The following CTNNB1 variants were observed in gnomAD, a reference collection of about 807,000 sequenced individuals.
CTNNB1 encodes catenin beta-1.
CTNNB1 carries 6 observed loss-of-function variants against 82.5 expected under a neutral mutation model. That is an observed-to-expected ratio of 0.07 (90% confidence interval 0.04 to 0.14). The LOEUF (loss-of-function observed/expected upper bound fraction) is 0.14, where lower values mean the gene tolerates loss of function less well. Among genes scored for constraint, CTNNB1 ranks in the 10% least tolerant of loss-of-function variants. The pLI is 1.00. For synonymous variants in CTNNB1, 312 were observed against 329.7 expected, an observed-to-expected ratio of 0.95 and a Z score of 0.58; for missense variants, 529 against 980.4, an observed-to-expected ratio of 0.54 and a Z score of 6.15.
chr3:41,227,749 T>C (rs886257863), intron 7 of CTNNB1, among the ~76,000 whole-genome samples: 1 of 152,210 alleles, frequency 6.6e-6, no homozygotes, highest in East Asian at 1.9e-4. Context: ...TTTTAACTTT[T>C]AGGTTCCGGG....
At chr3:41,215,294 A>G (rs1387634210) in intron 1 of CTNNB1, among the ~76,000 whole-genome samples, 2 of 146,906 alleles carry the variant, frequency 1.4e-5, no homozygotes, top group Admixed American at 6.9e-5. Context: ...TGAGGCAGAG[A>G]ATTGCTTAAA....
At chr3:41,236,975 A>G in intron 13 of CTNNB1, 1 of 583,062 alleles carries the variant, frequency 1.7e-6, no homozygotes, top group Non-Finnish European at 3.0e-6. Context: ...TTACCAGATT[A>G]AAGAAGATTT....
rs2078537789 is a variant in CTNNB1 at position 41,239,969 on chromosome 3, CTTGCT to C, written c.*631_*635del. ...AATATCTGTAATGGTACTGACTTTG[CTTGCT>C]TTGAAGTAGCTCTTTTTTTTTTTTT... On this transcript the variant is annotated 3_prime_UTR_variant, in exon 15 of 15. Coordinates refer to ENST00000349496, the MANE Select transcript of CTNNB1 (RefSeq NM_001904.4). 1 of 89,356 alleles carries C rather than the reference CTTGCT, an allele frequency of 1.1e-5. No individual in the cohort carries two copies. Among genetic ancestry groups the C allele is most frequent in the Non-Finnish European group, 2.3e-5 (1 of 43,774 alleles). 5.5% of individuals were successfully genotyped at this position (89,356 alleles called of 1,614,324 possible).
Position 41,237,231 on chromosome 3 carries a change from T to C in CTNNB1, c.2076+522T>C, listed in dbSNP as rs190170628. ...ACAGACATACAGTGGATTATGTTTGTTGAGTGAATGGAAAGAGAGATTGTT... is the reference window on the plus strand; with the variant it reads ...ACAGACATACAGTGGATTATGTTTGCTGAGTGAATGGAAAGAGAGATTGTT... On this transcript the variant is annotated intron_variant, in intron 13 of 14. Transcript: ENST00000349496. 1.1e-4 allele frequency: 18 copies of C among 165,664 alleles called. 2 individuals carry two copies. In the East Asian group the frequency reaches 2.8e-3, roughly 26 times the overall value. 10.3% of individuals were successfully genotyped at this position (165,664 alleles called of 1,614,324 possible).
At chr3:41,201,451 T>C (rs995382598) in intron 1 of CTNNB1, among the ~76,000 whole-genome samples, 1 of 152,202 alleles carries the variant, frequency 6.6e-6, no homozygotes, top group African/African-American at 2.4e-5. Flanking sequence ...CTAACCTTTG[T>C]TCTGAAGGCC....
rs1184350891 is a variant in CTNNB1, at chr3:41,239,490, AAGG to A, written c.*151_*153del. On this transcript the variant is annotated 3_prime_UTR_variant, in exon 15 of 15. Transcript: ENST00000349496. ...CCACAAAAACAGGTATATACTTTGAAAGGAGATGTCTTGGAACATTGGAATGTT... is the reference window on the plus strand; with the variant it reads ...CCACAAAAACAGGTATATACTTTGAAAGATGTCTTGGAACATTGGAATGTT... 2.9e-5 allele frequency: 20 copies of A among 696,176 alleles called. 1 individual carries two copies. The highest frequency in any genetic ancestry group is 1.6e-4 in the South Asian group (10 of 61,266). 43.1% of individuals were successfully genotyped at this position (696,176 alleles called of 1,614,324 possible).
chr3:41,239,120 C>A lies in CTNNB1; in HGVS notation c.2138-14C>A, dbSNP rs773187631. The A allele has an allele frequency of 1.9e-6, 3 of 1,611,300 alleles. No individual in the cohort carries two copies. The highest frequency in any genetic ancestry group is 1.3e-5 in the African/African-American group (1 of 74,854). ...TCCTTCTTGCCTATTTTGTTGACAC[C>A]CTGACTCTTCTAGATCCTAGCTATC... On this transcript the variant is annotated splice_polypyrimidine_tract_variant and intron_variant, in intron 14 of 14. Coordinates refer to ENST00000349496, the MANE Select transcript of CTNNB1 (RefSeq NM_001904.4).
intron 13 of CTNNB1, chr3:41,237,697 C>CTT (rs548643863): frequency 1.9e-3 from 264 of 139,968 alleles, no homozygotes; most frequent in African/African-American, 6.6e-3. Context: ...GGCATTTTGC[C>CTT]TTTTTTTTTT....
At chr3:41,209,046 G>T (rs1402473669) in intron 1 of CTNNB1, among the ~76,000 whole-genome samples, 2 of 152,150 alleles carry the variant, frequency 1.3e-5, no homozygotes, top group Non-Finnish European at 2.9e-5. Context: ...TCTGTTAGTA[G>T]TATTTGGCAC....
chr3:41,236,195 A>C, intron 11 of CTNNB1, 154 bp from the exon 12 acceptor site: 1 of 963,996 alleles, frequency 1.0e-6, no homozygotes. Context: ...GCTCCAGAGC[A>C]TTAAACACCC....
At chr3:41,205,232 A>G (rs1036106728) in intron 1 of CTNNB1, among the ~76,000 whole-genome samples, 1 of 152,236 alleles carries the variant, frequency 6.6e-6, no homozygotes, top group African/African-American at 2.4e-5. Flanking sequence ...TTCTAAGCTA[A>G]ACTATTACTG....
chr3:41,218,406 TAAATC>T (rs963016194), intron 1 of CTNNB1, among the ~76,000 whole-genome samples: 7 of 152,192 alleles, frequency 4.6e-5, no homozygotes, highest in African/African-American at 1.2e-4. Context: ...TAGTTCTTCT[TAAATC>T]AAGAACAAGA....
At chr3:41,202,545 A>G in intron 1 of CTNNB1, among the ~76,000 whole-genome samples, 1 of 152,220 alleles carries the variant, frequency 6.6e-6, no homozygotes, top group East Asian at 1.9e-4. Context: ...CATAAAAGTA[A>G]ATAGTAAACA....
chr3:41,224,660 G>C lies in CTNNB1; in HGVS notation c.148G>C (p.Gly50Arg), dbSNP rs2078132558. ...CACAGCTCCTTCTCTGAGTGGTAAA[G>C]GCAATCCTGAGGAAGAGGATGTGGA... ...TTTAPSLSGK[G>R]NPEEEDVDTS... is the part of the protein sequence containing the mutation. Residue 50 changes from glycine to arginine, a missense_variant, in exon 3 of 15, where the codon GGC becomes CGC. Gly to Arg is a moderately radical substitution (Grantham distance 125). Coordinates refer to ENST00000349496, the MANE Select transcript of CTNNB1 (RefSeq NM_001904.4). 1 of 1,613,840 alleles carries C rather than the reference G, an allele frequency of 6.2e-7. No individual in the cohort carries two copies. The highest frequency in any genetic ancestry group is 1.3e-5 in the African/African-American group (1 of 74,902).
rs1020619033 is a variant in CTNNB1, at chr3:41,240,400, T to C, written c.*1058T>C. 5.5e-6 allele frequency: 1 copy of C among 182,820 alleles called. No individual in the cohort carries two copies. The highest frequency in any genetic ancestry group is 6.3e-5 in the Admixed American group (1 of 15,982). The allele number at this position is 182,820 out of a possible 1,614,324, so 11.3% of individuals were successfully genotyped here. A position where few individuals can be genotyped will look rare whatever the true frequency, so the allele number is the denominator to read the frequency against. The stretch of plus-strand genomic sequence containing the variant: ...TGTGATACGATGCTTCAAGAGAAAA[T>C]GCGGTTATAAAAAATGGTTCAGAAT... On this transcript the variant is annotated 3_prime_UTR_variant, in exon 15 of 15. Transcript: ENST00000349496.
intron 14 of CTNNB1, 107 bp downstream of exon 14, chr3:41,238,183 T>A: frequency 3.1e-6 from 3 of 959,034 alleles, no homozygotes; most frequent in Non-Finnish European, 5.1e-6. Flanking sequence ...GGCAGAAAAG[T>A]AGTGGCTTCA....
intron 1 of CTNNB1, among the ~76,000 whole-genome samples, chr3:41,204,455 T>G (rs2077602196): frequency 6.6e-6 from 1 of 152,220 alleles, no homozygotes; most frequent in South Asian, 2.1e-4. Context: ...TCAGAAGCCT[T>G]ATATAGGATT....
At chr3:41,237,447 A>C (rs1053621066) in intron 13 of CTNNB1, 1 of 64,252 alleles carries the variant, frequency 1.6e-5, no homozygotes, top group Admixed American at 1.5e-4. Flanking sequence ...ACTCCAACAC[A>C]AAAAAAAAAA....
chr3:41,216,147 G>A (rs1173214381), intron 1 of CTNNB1, among the ~76,000 whole-genome samples: 1 of 152,124 alleles, frequency 6.6e-6, no homozygotes, highest in Non-Finnish European at 1.5e-5. Context: ...CAGTTTTCTT[G>A]TGATATGAGG....
Sources: gnomAD v4.1 joint callset for allele counts (sites outside exome capture counted in the v4.1 genomes callset) on GRCh38, gnomAD v4.1.1 for gene constraint, MANE v1.5 for transcripts, NCBI Gene and HGNC (gene_info 2026-07-23, HGNC 2026-07-21) for gene names.